PDE8A: variants seen among roughly 807,000 people sequenced by gnomAD.
PDE8A encodes the protein phosphodiesterase 8A.
PDE8A carries 59 observed loss-of-function variants against 105.0 expected under a neutral mutation model. The ratio of observed to expected loss-of-function variants is 0.56; its 90% CI spans 0.46 to 0.70. PDE8A has a LOEUF of 0.70. Among genes scored for constraint, PDE8A ranks in the 30% least tolerant of loss-of-function variants. PDE8A has a pLI of 0.00. For synonymous variants in PDE8A, 355 were observed against 371.9 expected (o/e 0.95, Z 0.52); for missense variants, 1,014 against 1,045.9 (o/e 0.97, Z 0.42).
intron 1 of PDE8A, among the ~76,000 whole-genome samples, chr15:85,040,153 G>A (rs568177124): frequency 1.5e-4 from 23 of 152,046 alleles, no homozygotes; most frequent in African/African-American, 5.5e-4. Context: ...AGAAAAAAAA[G>A]AAAAAGAAGC....
At chr15:84,999,671 T>C (rs2080036824) in intron 1 of PDE8A, among the ~76,000 whole-genome samples, 1 of 151,840 alleles carries the variant, frequency 6.6e-6, no homozygotes, top group South Asian at 2.1e-4. Context: ...GCCTCCCGGG[T>C]TCAAGCGATT....
intron 11 of PDE8A, among the ~76,000 whole-genome samples, chr15:85,102,690 T>C (rs1468233691): frequency 6.6e-6 from 1 of 151,406 alleles, no homozygotes; most frequent in Admixed American, 6.6e-5. Context: ...AAATACAAAA[T>C]TAGCCAGGCG....
chr15:85,022,396 C>T (rs1469233895), intron 1 of PDE8A, among the ~76,000 whole-genome samples: 1 of 149,568 alleles, frequency 6.7e-6, no homozygotes, highest in East Asian at 1.9e-4. Context: ...CACCAGTCCA[C>T]CCAGGCAGCT....
chr15:84,990,466 T>C (rs1444511015), intron 1 of PDE8A, among the ~76,000 whole-genome samples: 5 of 152,226 alleles, frequency 3.3e-5, no homozygotes, highest in African/African-American at 1.2e-4. Context: ...CTAGATTTCA[T>C]GTAAATAGAA....
At chr15:85,033,019 C>T (rs1419834909) in intron 1 of PDE8A, among the ~76,000 whole-genome samples, 4 of 152,136 alleles carry the variant, frequency 2.6e-5, no homozygotes, top group African/African-American at 9.7e-5. Flanking sequence ...AAGTTATCCC[C>T]AGCAGCTAGG....
intron 8 of PDE8A, among the ~76,000 whole-genome samples, chr15:85,095,875 T>TATATATA (rs200233444): frequency 0.012 from 1,727 of 145,688 alleles, 34 homozygotes; most frequent in African/African-American, 0.033. Context: ...TATATATATA[T>TATATATA]TTTTTTTATA....
chr15:85,134,386 TG>T (rs1286848262), intron 20 of PDE8A, among the ~76,000 whole-genome samples: 2 of 152,176 alleles, frequency 1.3e-5, no homozygotes, highest in African/African-American at 4.8e-5. Context: ...GACAGGCCCA[TG>T]GGGTGTGAAC....
rs2142130793 is a variant in PDE8A at position 84,982,285 on chromosome 15, C to T, written c.123C>T (p.Ala41=). Residue 41 remains alanine, a synonymous_variant, in exon 1 of 22, where the codon GCC becomes GCT. Transcript: ENST00000394553. The stretch of plus-strand genomic sequence containing the variant: ...TCCCGCAGGGCCAGAAGACGGCCGC[C>T]TTGCCCCGGACCCGCGGCGCCGGCC... ...PRLPQGQKTA[A]LPRTRGAGLL... The T allele has an allele frequency of 4.3e-6, 6 of 1,407,296 alleles. No homozygotes were observed. The highest frequency in any genetic ancestry group is 1.5e-5 in the South Asian group (1 of 65,210). 87.2% of individuals were successfully genotyped at this position (1,407,296 alleles called of 1,614,324 possible). A position where few individuals can be genotyped will look rare whatever the true frequency, so the allele number is the denominator to read the frequency against.
At position 85,116,036 on chromosome 15, in the gene PDE8A, C is replaced by G; in HGVS notation, c.1452C>G (p.Val484=). ...TCACTCCCATCTCCCTTGATGATGT[C>G]CCACCACGGATAGCTCGGGCCATGG... is the stretch of plus-strand genomic sequence containing the variant. ...NIITPISLDD[V]PPRIARAMEN... The change falls in exon 16 of 22, where the codon GTC becomes GTG. Residue 484 remains valine, a synonymous_variant. Coordinates refer to ENST00000394553, the MANE Select transcript of PDE8A (RefSeq NM_002605.3). 6.2e-7 allele frequency: 1 copy of G among 1,613,290 alleles called. No homozygotes were observed. Among genetic ancestry groups the G allele is most frequent in the Non-Finnish European group, 8.5e-7 (1 of 1,179,214 alleles).
chr15:85,029,693 A>C (rs764267092), intron 1 of PDE8A, among the ~76,000 whole-genome samples: 1 of 152,180 alleles, frequency 6.6e-6, no homozygotes, highest in Non-Finnish European at 1.5e-5. Context: ...GGTGCCTGAC[A>C]CTGCTGGACT....
chr15:85,085,374 TG>T (rs1468042216), intron 6 of PDE8A, among the ~76,000 whole-genome samples: 1 of 152,140 alleles, frequency 6.6e-6, no homozygotes, highest in Non-Finnish European at 1.5e-5. Context: ...CAAGCAGGGG[TG>T]TTACTGCTAG....
chr15:85,020,875 A>T (rs544214526), intron 1 of PDE8A, among the ~76,000 whole-genome samples: 1 of 152,154 alleles, frequency 6.6e-6, no homozygotes, highest in Non-Finnish European at 1.5e-5. Flanking sequence ...TCTATTATCA[A>T]TACTGTTACC....
At chr15:85,032,686 A>C (rs1466533682) in intron 1 of PDE8A, among the ~76,000 whole-genome samples, 2 of 152,164 alleles carry the variant, frequency 1.3e-5, no homozygotes, top group Non-Finnish European at 2.9e-5. Flanking sequence ...ATAACTATTA[A>C]AATTATAATT....
At chr15:84,991,935 G>C (rs760837394) in intron 1 of PDE8A, among the ~76,000 whole-genome samples, 1 of 152,038 alleles carries the variant, frequency 6.6e-6, no homozygotes, top group Non-Finnish European at 1.5e-5. Context: ...ATTACTTGAG[G>C]CCAGGAGTTT....
At chr15:85,046,691 A>G (rs987467295) in intron 1 of PDE8A, among the ~76,000 whole-genome samples, 2 of 152,222 alleles carry the variant, frequency 1.3e-5, no homozygotes, top group African/African-American at 4.8e-5. Context: ...CTAAGAAATA[A>G]AAACAAAGCA....
intron 20 of PDE8A, 146 bp downstream of exon 20, chr15:85,126,520 CAA>C: frequency 2.0e-6 from 1 of 495,558 alleles, no homozygotes; most frequent in Non-Finnish European, 3.2e-6. Context: ...TAACTGGTAA[CAA>C]ATTTTTTTTT....
intron 1 of PDE8A, among the ~76,000 whole-genome samples, chr15:85,008,163 T>C (rs570575860): frequency 1.3e-5 from 2 of 152,058 alleles, no homozygotes; most frequent in East Asian, 1.9e-4. Flanking sequence ...CTCCCTCTAA[T>C]AGGGAGTGGT....
At chr15:85,040,308 GGC>G (rs75829861) in intron 1 of PDE8A, among the ~76,000 whole-genome samples, 113,679 of 147,694 alleles carry the variant, frequency 0.77, 43,957 homozygotes, top group African/African-American at 0.83. Context: ...TGCCCACCTT[GGC>G]GCCTCCCAAA....
At chr15:84,986,384 T>C (rs1445567491) in intron 1 of PDE8A, among the ~76,000 whole-genome samples, 2 of 152,126 alleles carry the variant, frequency 1.3e-5, no homozygotes, top group Non-Finnish European at 2.9e-5. Flanking sequence ...TTCCCTTTGC[T>C]TCTGTCATTC....
Sources: allele counts gnomAD v4.1 joint callset (sites outside exome capture counted in the v4.1 genomes callset), GRCh38; gene constraint gnomAD v4.1.1; transcripts MANE v1.5; gene names NCBI Gene and HGNC (gene_info 2026-07-23, HGNC 2026-07-21).